TYMS: variants seen among roughly 807,000 people sequenced by gnomAD.
TYMS encodes the protein thymidylate synthetase.
Under a neutral mutation model 39.3 loss-of-function variants are expected in TYMS, and 21 were observed. That is an observed-to-expected ratio of 0.54 (90% CI 0.38 to 0.77). The LOEUF is 0.77. Among genes scored for constraint, TYMS ranks in the 30% least tolerant of loss-of-function variants. The pLI, the probability that TYMS is intolerant of heterozygous loss-of-function variation, is 0.00. For missense variants in TYMS, 273 were observed against 406.7 expected (o/e 0.67, Z 2.83); for synonymous variants, 171 against 162.2 (o/e 1.05, Z -0.41).
intron 2 of TYMS, among the ~76,000 whole-genome samples, chr18:661,677 A>G (rs2144264193): frequency 6.6e-6 from 1 of 152,338 alleles, no homozygotes; most frequent in East Asian, 1.9e-4. Flanking sequence ...CTGGGCTGGG[A>G]CCAGCCTACT....
intron 5 of TYMS, 55 bp from the exon 6 acceptor site, chr18:671,325 T>C (rs2075041091): frequency 8.9e-7 from 1 of 1,121,798 alleles, no homozygotes; most frequent in Non-Finnish European, 1.4e-6. Context: ...TTTTAAATGA[T>C]GTTTTAAAGA....
intron 3 of TYMS, among the ~76,000 whole-genome samples, chr18:668,141 TTGTG>T (rs1257715940): frequency 6.6e-6 from 1 of 152,112 alleles, no homozygotes; most frequent in African/African-American, 2.4e-5. Flanking sequence ...TTACGTGCAC[TTGTG>T]TATGTGTGTA....
chr18:672,325 GA>G (rs2075100761), intron 6 of TYMS: 1 of 152,248 alleles, frequency 6.6e-6, no homozygotes, highest in African/African-American at 2.4e-5. Context: ...GAGTGGAGGT[GA>G]CTTCAGGCTT....
chr18:667,089 TGATGGA>T lies in TYMS; in HGVS notation c.455-1965_455-1960del, dbSNP rs1220451138. Among the ~76,000 whole-genome samples the T allele has an allele frequency of 2.7e-3, 136 of 50,166 alleles. 14 individuals carry two copies. The highest frequency in any genetic ancestry group is 3.6e-3 in the Non-Finnish European group (106 of 29,160). 32.9% of individuals were successfully genotyped at this position (50,166 alleles called of 152,430 possible). ...GTGATGGTGATGGAGATGGTGATGGTGATGGAGATGGAGATGGAGATGGTGATGGTG... is the reference window on the plus strand; with the variant it reads ...GTGATGGTGATGGAGATGGTGATGGTGATGGAGATGGAGATGGTGATGGTG... On this transcript the variant is annotated intron_variant, in intron 3 of 6. Coordinates refer to ENST00000323274, the MANE Select transcript of TYMS (RefSeq NM_001071.4).
chr18:662,167 C>T lies in TYMS; in HGVS notation c.301C>T (p.Leu101=), dbSNP rs544795650. The stretch of plus-strand genomic sequence containing the variant: ...CCAGGGATCCACAAATGCTAAAGAG[C>T]TGTCTTCCAAGGGAGTGAAAATCTG... ...FIKGSTNAKE[L]SSKGVKIWDA... The change falls in exon 3 of 7, where the codon CTG becomes TTG. Residue 101 remains leucine (L), a synonymous_variant. Coordinates refer to ENST00000323274, the MANE Select transcript of TYMS (RefSeq NM_001071.4). The T allele has an allele frequency of 1.1e-5, 17 of 1,611,958 alleles. No individual in the cohort carries two copies. The South Asian group carries it at 1.4e-4, about 14-fold the overall frequency.
At chr18:664,251 T>G (rs1446527052) in intron 3 of TYMS, among the ~76,000 whole-genome samples, 1 of 151,838 alleles carries the variant, frequency 6.6e-6, no homozygotes, top group African/African-American at 2.4e-5. Flanking sequence ...TAAGGTGGAT[T>G]CCTAGGTATT....
At position 673,468 on chromosome 18, in the gene TYMS, T is replaced by G; in HGVS notation, c.*471T>G. On this transcript the variant is annotated 3_prime_UTR_variant, in exon 7 of 7. Transcript: ENST00000323274. ...TTTAAAGTTATAGTTGTTTTATATG[T>G]TGCTATAATAAAGAAGTGTTCTGCA... 1 of 213,766 alleles carries G rather than the reference T, an allele frequency of 4.7e-6. No homozygotes were observed. Among genetic ancestry groups the G allele is most frequent in the Non-Finnish European group, 9.4e-6 (1 of 106,098 alleles). 13.2% of individuals were successfully genotyped at this position (213,766 alleles called of 1,614,324 possible).
At chr18:667,992 A>ATTTT (rs60409589) in intron 3 of TYMS, among the ~76,000 whole-genome samples, 1,098 of 105,354 alleles carry the variant, frequency 0.01, 28 homozygotes, top group Non-Finnish European at 0.013. Flanking sequence ...ATTCACAGGA[A>ATTTT]TTTTTTTTTT....
intron 3 of TYMS, among the ~76,000 whole-genome samples, chr18:667,436 T>A (rs200154702): frequency 1.8e-3 from 2 of 1,114 alleles, no homozygotes; most frequent in Admixed American, 0.011. Flanking sequence ...ATGGAGATGG[T>A]GATGGTGATG....
intron 3 of TYMS, among the ~76,000 whole-genome samples, chr18:666,171 G>A (rs978893316): frequency 8.0e-5 from 12 of 149,626 alleles, no homozygotes; most frequent in Non-Finnish European, 1.5e-4. Flanking sequence ...TAGGTCAGAT[G>A]ATTGGCACTT....
chr18:667,593 GGT>G (rs2074881362), intron 3 of TYMS: 3 of 103,708 alleles, frequency 2.9e-5, no homozygotes, highest in Admixed American at 8.7e-5. Context: ...TGATGGTGAT[GGT>G]GATGGTGATG....
intron 3 of TYMS, among the ~76,000 whole-genome samples, chr18:667,483 ATGGT>A: frequency 3.2e-5 from 1 of 31,220 alleles, no homozygotes; most frequent in Non-Finnish European, 5.6e-5. Flanking sequence ...GGTGATGGTG[ATGGT>A]GATGGTGATG....
At chr18:666,903 A>C (rs62090118) in intron 3 of TYMS, among the ~76,000 whole-genome samples, 1,657 of 60,716 alleles carry the variant, frequency 0.027, 143 homozygotes, top group East Asian at 0.086. Context: ...ATGGTGATGG[A>C]GATGGTGATG....
chr18:658,256 G>C lies in TYMS; in HGVS notation c.205+309G>C, dbSNP rs1449571620. The C allele has an allele frequency of 1.4e-6, 2 of 1,467,544 alleles. No individual in the cohort carries two copies. Among genetic ancestry groups the C allele is most frequent in the Admixed American group, 2.1e-5 (1 of 48,700 alleles). The allele number at this position is 1,467,544 out of a possible 1,614,324, so 90.9% of individuals were successfully genotyped here. On this transcript the variant is annotated intron_variant, in intron 1 of 6. Transcript: ENST00000323274. This position sits in a 1 kb window ranked among gnomAD's most constrained non-coding sequence, Gnocchi z 4.5. Reference sequence around the variant, plus strand: ...CCCGAGGCGGGCGTCATCGGGCAGCGTTTGCCCAGTGCTGGAGGGTTAGGG... The same window carrying C: ...CCCGAGGCGGGCGTCATCGGGCAGCCTTTGCCCAGTGCTGGAGGGTTAGGG...
At position 660,224 on chromosome 18, in the gene TYMS, C is replaced by A. The variant is rs1299531186; in HGVS notation, c.279+510C>A. ...TGCTCTCTGCACCAGCCCTGCTGTTCTTGTGAGTTTTTGAGCACACCGGGA... is the reference window on the plus strand; with the variant it reads ...TGCTCTCTGCACCAGCCCTGCTGTTATTGTGAGTTTTTGAGCACACCGGGA... On this transcript the variant is annotated intron_variant, in intron 2 of 6. Transcript: ENST00000323274. This position sits in a 1 kb window ranked among gnomAD's most constrained non-coding sequence, Gnocchi z 4.6. Among the ~76,000 whole-genome samples the A allele has an allele frequency of 6.6e-6, 1 of 152,206 alleles. No individual in the cohort carries two copies. Among genetic ancestry groups the A allele is most frequent in the African/African-American group, 2.4e-5 (1 of 41,450 alleles).
chr18:661,936 G>A (rs550506832), intron 2 of TYMS, among the ~76,000 whole-genome samples: 12 of 152,358 alleles, frequency 7.9e-5, no homozygotes, highest in East Asian at 5.8e-4. Context: ...CGTGAGCCAC[G>A]ATCGCGCCAT....
chr18:658,272 A>AGG lies in TYMS; in HGVS notation c.205+327_205+328dup. On this transcript the variant is annotated intron_variant, in intron 1 of 6. Coordinates refer to ENST00000323274, the MANE Select transcript of TYMS (RefSeq NM_001071.4). This position sits in a 1 kb window ranked among gnomAD's most constrained non-coding sequence, Gnocchi z 4.5. ...TCGGGCAGCGTTTGCCCAGTGCTGGAGGGTTAGGGAGAGCTGCCTGGGCTT... is the reference window on the plus strand; with the variant it reads ...TCGGGCAGCGTTTGCCCAGTGCTGGAGGGGGTTAGGGAGAGCTGCCTGGGCTT... The AGG allele has an allele frequency of 6.9e-7, 1 of 1,440,690 alleles. No individual in the cohort carries two copies. The highest frequency in any genetic ancestry group is 9.3e-7 in the Non-Finnish European group (1 of 1,076,486). 89.2% of individuals were successfully genotyped at this position (1,440,690 alleles called of 1,614,324 possible). A position where few individuals can be genotyped will look rare whatever the true frequency, so the allele number is the denominator to read the frequency against.
In TYMS at chr18:670,753, T is replaced by C. The variant is rs1318427724; in HGVS notation, c.618T>C (p.Ser206=). Residue 206 remains serine, a synonymous_variant, in exon 5 of 7, where the codon AGT becomes AGC. Transcript: ENST00000323274. ...HALCQFYVVN[S]ELSCQLYQRS... ...TCTGCCAGTTCTATGTGGTGAACAG[T>C]GAGCTGTCCTGCCAGCTGTACCAGA... 2 of 1,613,946 alleles carry C rather than the reference T, an allele frequency of 1.2e-6. No homozygotes were observed. The highest frequency in any genetic ancestry group is 8.5e-7 in the Non-Finnish European group (1 of 1,179,954).
intron 3 of TYMS, among the ~76,000 whole-genome samples, chr18:664,781 G>A (rs1345483021): frequency 1.6e-4 from 24 of 150,114 alleles, no homozygotes; most frequent in Non-Finnish European, 2.5e-4. Flanking sequence ...ATAATCATGT[G>A]GTTTTTGTCT....
Sources: gnomAD v4.1 joint callset for allele counts (sites outside exome capture counted in the v4.1 genomes callset) on GRCh38, gnomAD v4.1.1 for gene constraint, Gnocchi (gnomAD v3.1) non-coding constraint, MANE v1.5 for transcripts, NCBI Gene and HGNC (gene_info 2026-07-23, HGNC 2026-07-21) for gene names.